The following HIP1 variants were observed in gnomAD, a reference collection of about 807,000 sequenced individuals.
HIP1 encodes the protein huntingtin-interacting protein 1.
Under a neutral mutation model 147.6 loss-of-function variants are expected in HIP1, and 65 were observed. That is an observed-to-expected ratio of 0.44 (90% CI 0.36 to 0.54). HIP1 has a LOEUF of 0.54. Among genes scored for constraint, HIP1 ranks in the 20% least tolerant of loss-of-function variants. The pLI, the probability that HIP1 is intolerant of heterozygous loss-of-function variation, is 0.00. For missense variants in HIP1, 1,061 were observed against 1,299.6 expected, an observed-to-expected ratio of 0.82 and a Z score of 2.82; for synonymous variants, 479 against 504.0, an observed-to-expected ratio of 0.95 and a Z score of 0.67.
intron 1 of HIP1, among the ~76,000 whole-genome samples, chr7:75,682,669 C>T (rs782319576): frequency 1.3e-5 from 2 of 152,194 alleles, no homozygotes; most frequent in East Asian, 3.9e-4. Context: ...GTTTTAGTTG[C>T]GTATGCAGGT....
chr7:75,626,430 G>C (rs1018945), intron 1 of HIP1: 69,140 of 152,078 alleles, frequency 0.45, 16,100 homozygotes, highest in African/African-American at 0.55. Context: ...TCGCCCCCTG[G>C]TCATCTGGAA....
intron 1 of HIP1, among the ~76,000 whole-genome samples, chr7:75,728,965 C>T (rs1801740582): frequency 6.6e-6 from 1 of 151,274 alleles, no homozygotes; most frequent in Non-Finnish European, 1.5e-5. Flanking sequence ...GAAAAACTAC[C>T]TATGGGGTAC....
chr7:75,585,511 G>A (rs782719862), intron 5 of HIP1, among the ~76,000 whole-genome samples: 22 of 151,498 alleles, frequency 1.5e-4, no homozygotes, highest in Non-Finnish European at 2.2e-4. Flanking sequence ...ACCTTTCCCC[G>A]CCTCCTCATG....
chr7:75,546,885 G>A (rs1372501015), intron 25 of HIP1, 54 bp downstream of exon 25: 1 of 1,251,346 alleles, frequency 8.0e-7, no homozygotes, highest in Non-Finnish European at 1.1e-6. Context: ...CGTTGGAGCG[G>A]GAGTCTGTCA....
chr7:75,629,546 CTTTT>C (rs58993055), intron 1 of HIP1, among the ~76,000 whole-genome samples: 1 of 145,624 alleles, frequency 6.9e-6, no homozygotes. Flanking sequence ...CCCCGCTTTT[CTTTT>C]TTTTTTTTTT....
At chr7:75,689,205 T>G in intron 1 of HIP1, among the ~76,000 whole-genome samples, 1 of 151,226 alleles carries the variant, frequency 6.6e-6, no homozygotes, top group East Asian at 1.9e-4. Flanking sequence ...TAAAAAAATT[T>G]AAAATATATT....
At position 75,536,627 on chromosome 7, in the gene HIP1, C is replaced by G. The variant is rs1794093139; in HGVS notation, c.*1545G>C. ...GTGCCCTCTGTCCTCATCCTGTCCA[C>G]AGGGCAGCGAGAGCCTGGGGCATGT... is the stretch of plus-strand genomic sequence containing the variant. On this transcript the variant is annotated 3_prime_UTR_variant, in exon 31 of 31. Coordinates refer to ENST00000336926, the MANE Select transcript of HIP1 (RefSeq NM_005338.7). 4.3e-6 allele frequency: 1 copy of G among 230,102 alleles called. No individual in the cohort carries two copies. Among genetic ancestry groups the G allele is most frequent in the Non-Finnish European group, 8.6e-6 (1 of 116,186 alleles). The allele number at this position is 230,102 out of a possible 1,614,324, so 14.3% of individuals were successfully genotyped here.
At chr7:75,658,184 C>T (rs530270233) in intron 1 of HIP1, among the ~76,000 whole-genome samples, 1 of 152,132 alleles carries the variant, frequency 6.6e-6, no homozygotes, top group Admixed American at 6.6e-5. Context: ...GCCTTCACCT[C>T]CCGACTTCAA....
intron 6 of HIP1, among the ~76,000 whole-genome samples, chr7:75,581,728 G>A (rs954929402): frequency 2.0e-5 from 3 of 152,190 alleles, no homozygotes; most frequent in Admixed American, 1.3e-4. Context: ...GCAGTAAGCC[G>A]AGATCAAGTC....
At chr7:75,596,318 A>G (rs1219341582) in intron 2 of HIP1, among the ~76,000 whole-genome samples, 1 of 151,798 alleles carries the variant, frequency 6.6e-6, no homozygotes, top group African/African-American at 2.4e-5. Context: ...ATTTTTCAAC[A>G]TTTATTCACC....
At chr7:75,619,312 C>G (rs1216229126) in intron 1 of HIP1, among the ~76,000 whole-genome samples, 1 of 152,080 alleles carries the variant, frequency 6.6e-6, no homozygotes, top group Non-Finnish European at 1.5e-5. Flanking sequence ...CACTTGAGGT[C>G]AAGAGTTTGA....
intron 1 of HIP1, among the ~76,000 whole-genome samples, chr7:75,650,712 G>A (rs1231575447): frequency 6.6e-6 from 1 of 152,034 alleles, no homozygotes; most frequent in African/African-American, 2.4e-5. Flanking sequence ...TTACAGGCGT[G>A]AGCCACCATA....
Position 75,553,504 on chromosome 7 carries a change from G to A in HIP1, c.2244C>T (p.Ala748=), listed in dbSNP as rs782411470. 7.4e-6 allele frequency: 12 copies of A among 1,614,000 alleles called. No homozygotes were observed. Among genetic ancestry groups the A allele is most frequent in the Admixed American group, 3.3e-5 (2 of 59,986 alleles). The change falls in exon 22 of 31, where the codon GCC becomes GCT. Residue 748 remains alanine (A), a synonymous_variant. Transcript: ENST00000336926. ...SLEEEGSLEN[A]DSTAMRNCLS... is the part of the protein sequence containing the mutation. ...GGCAGTTCCTCATGGCTGTGCTGTC[G>A]GCATTCTCAAGGCTTCCCTCTTCCT...
At chr7:75,634,368 C>G (rs1403907862) in intron 1 of HIP1, among the ~76,000 whole-genome samples, 1 of 152,156 alleles carries the variant, frequency 6.6e-6, no homozygotes, top group Admixed American at 6.6e-5. Context: ...AACCCAGAGG[C>G]CAAAGGCCAC....
intron 1 of HIP1, among the ~76,000 whole-genome samples, chr7:75,681,028 G>A (rs564403595): frequency 6.6e-6 from 1 of 152,060 alleles, no homozygotes; most frequent in Admixed American, 6.6e-5. Context: ...CGCCCACCTC[G>A]GCCTCCCAAA....
chr7:75,595,151 G>A (rs73139381), intron 2 of HIP1, among the ~76,000 whole-genome samples: 2,754 of 151,820 alleles, frequency 0.018, 32 homozygotes, highest in African/African-American at 0.024. Flanking sequence ...CAGATGTTTG[G>A]GTCTGGAAGC....
At position 75,592,130 on chromosome 7, in the gene HIP1, C is replaced by G; in HGVS notation, c.328-18G>C. 1 of 1,609,608 alleles carries G rather than the reference C, an allele frequency of 6.2e-7. No individual in the cohort carries two copies. The highest frequency in any genetic ancestry group is 8.5e-7 in the Non-Finnish European group (1 of 1,176,014). ...TTCAGGACCTGCAGGGGCAAAAGAA[C>G]AGCCTGTGAGAGAATGGAGAAGGAA... On this transcript the variant is annotated intron_variant, in intron 3 of 30. Transcript: ENST00000336926.
chr7:75,550,821 T>C (rs1794754542), intron 22 of HIP1, among the ~76,000 whole-genome samples: 1 of 152,210 alleles, frequency 6.6e-6, no homozygotes, highest in South Asian at 2.1e-4. Context: ...TTTCCATGAC[T>C]TGATTTTTCA....
intron 1 of HIP1, among the ~76,000 whole-genome samples, chr7:75,611,270 C>A (rs587726839): frequency 6.6e-6 from 1 of 151,786 alleles, no homozygotes; most frequent in Non-Finnish European, 1.5e-5. Context: ...AGTTCAAGAC[C>A]AGCCTGGCCA....
Sources: allele counts gnomAD v4.1 joint callset (sites outside exome capture counted in the v4.1 genomes callset), GRCh38; gene constraint gnomAD v4.1.1; transcripts MANE v1.5; gene names NCBI Gene and HGNC (gene_info 2026-07-23, HGNC 2026-07-21).